Variants in INTS4 observed in about 807,000 individuals in gnomAD.
INTS4 encodes the protein integrator complex subunit 4, also known as MSTP093.
Under a neutral mutation model 119.5 loss-of-function variants are expected in INTS4, and 70 were observed. The ratio of observed to expected loss-of-function variants is 0.59; its 90% confidence interval spans 0.48 to 0.71. INTS4 has a LOEUF of 0.71. Among genes scored for constraint, INTS4 ranks in the 30% least tolerant of loss-of-function variants. The pLI, the probability that INTS4 is intolerant of heterozygous loss-of-function variation, is 0.00. For synonymous variants in INTS4, 316 were observed against 419.6 expected, an observed-to-expected ratio of 0.75 and a Z score of 3.02; for missense variants, 867 against 1,173.2, an observed-to-expected ratio of 0.74 and a Z score of 3.81.
downstream of INTS4, chr11:77,877,024 GCACAT>G (rs1951615463): frequency 1.4e-6 from 1 of 703,088 alleles, no homozygotes; most frequent in Admixed American, 2.0e-5. Flanking sequence ...CAGCTTCATG[GCACAT>G]CCTTGAGAGA....
At chr11:77,900,293 G>T (rs1318720387) in intron 18 of INTS4, among the ~76,000 whole-genome samples, 3 of 152,016 alleles carry the variant, frequency 2.0e-5, no homozygotes, top group African/African-American at 7.2e-5. Flanking sequence ...TAGAGACAGG[G>T]TTTCACCATG....
At chr11:77,932,410 C>A (rs1953673498) in intron 10 of INTS4, among the ~76,000 whole-genome samples, 2 of 152,118 alleles carry the variant, frequency 1.3e-5, no homozygotes, top group South Asian at 4.1e-4. Context: ...CAATGAGATA[C>A]CATCTCACAC....
intron 18 of INTS4, among the ~76,000 whole-genome samples, chr11:77,895,504 A>G (rs1282277805): frequency 9.6e-5 from 14 of 145,448 alleles, no homozygotes; most frequent in Non-Finnish European, 1.8e-4. Context: ...TCTGGAAGCA[A>G]CATTCATTCT....
At chr11:77,959,718 T>C (rs540014139) in intron 6 of INTS4, among the ~76,000 whole-genome samples, 1 of 152,292 alleles carries the variant, frequency 6.6e-6, no homozygotes, top group South Asian at 2.1e-4. Context: ...GGGGCTTGGC[T>C]AATTATCTTC....
chr11:77,875,973 A>G (rs1951582949), downstream of INTS4, among the ~76,000 whole-genome samples: 2 of 152,216 alleles, frequency 1.3e-5, no homozygotes, highest in Admixed American at 6.5e-5. Flanking sequence ...ACAGGAGTTC[A>G]GACTTTTTCC....
chr11:77,963,368 A>AC (rs59879828), intron 4 of INTS4: 63,266 of 369,096 alleles, frequency 0.17, 4,210 homozygotes, highest in African/African-American at 0.22. Context: ...AAAAAAAAAA[A>AC]AAAAAACAAA....
At chr11:77,949,519 CAA>C (rs1177164712) in intron 8 of INTS4, among the ~76,000 whole-genome samples, 3 of 76,404 alleles carry the variant, frequency 3.9e-5, no homozygotes, top group African/African-American at 9.2e-5. Context: ...AACAAATTTA[CAA>C]AAAAAAAAAA....
chr11:77,960,532 G>C (rs1954442613), intron 5 of INTS4, 141 bp from the exon 6 acceptor site: 1 of 560,650 alleles, frequency 1.8e-6, no homozygotes, highest in Admixed American at 3.1e-5. Context: ...ATATAAATAA[G>C]AAACCTTGTC....
At chr11:77,897,673 T>TA (rs1952588373) in intron 18 of INTS4, among the ~76,000 whole-genome samples, 2 of 150,950 alleles carry the variant, frequency 1.3e-5, no homozygotes, top group Non-Finnish European at 3.0e-5. Context: ...GCTAATTTTT[T>TA]TTTTTTTATT....
intron 8 of INTS4, among the ~76,000 whole-genome samples, chr11:77,948,231 C>T (rs1197586184): frequency 6.6e-6 from 1 of 152,054 alleles, no homozygotes; most frequent in Non-Finnish European, 1.5e-5. Context: ...AAAGCGTGGC[C>T]CCACAGAAAA....
chr11:77,974,385 G>A (rs1284996428), intron 4 of INTS4, among the ~76,000 whole-genome samples: 1 of 151,394 alleles, frequency 6.6e-6, no homozygotes, highest in Non-Finnish European at 1.5e-5. Flanking sequence ...TGGGATTACA[G>A]GCACGCACCA....
intron 12 of INTS4, chr11:77,924,477 C>T (rs1953446275): frequency 9.2e-6 from 3 of 326,832 alleles, no homozygotes; most frequent in African/African-American, 6.4e-5. Flanking sequence ...ATACTTGTAA[C>T]AGCTACCACA....
At chr11:77,943,402 G>A (rs1953975437) in intron 8 of INTS4, among the ~76,000 whole-genome samples, 1 of 152,146 alleles carries the variant, frequency 6.6e-6, no homozygotes, top group South Asian at 2.1e-4. Context: ...GAGAAGGGAT[G>A]GATTTAGGGG....
chr11:77,960,141 G>T (rs892211652), intron 6 of INTS4, among the ~76,000 whole-genome samples, 200 bp downstream of exon 6: 1 of 151,926 alleles, frequency 6.6e-6, no homozygotes, highest in South Asian at 2.1e-4. Context: ...CTTTTCACAT[G>T]TACTAGCGCT....
chr11:77,991,091 C>A lies in INTS4; in HGVS notation c.246+17G>T. On this transcript the variant is annotated intron_variant, in intron 2 of 22. Transcript: ENST00000534064. Reference sequence around the variant, plus strand: ...CTCCCATGATATACTCCCATCAGATCCTCAAGATTTTCTTACCTTGTAATA... The same window carrying A: ...CTCCCATGATATACTCCCATCAGATACTCAAGATTTTCTTACCTTGTAATA... 2 of 1,607,090 alleles carry A rather than the reference C, an allele frequency of 1.2e-6. No individual in the cohort carries two copies. Among genetic ancestry groups the A allele is most frequent in the South Asian group, 1.1e-5 (1 of 90,908 alleles).
At chr11:77,957,367 G>A (rs1449534850) in intron 7 of INTS4, among the ~76,000 whole-genome samples, 1 of 151,866 alleles carries the variant, frequency 6.6e-6, no homozygotes, top group African/African-American at 2.4e-5. Context: ...TACCCAACAT[G>A]GCAAAACCTC....
intron 2 of INTS4, chr11:77,987,432 A>T (rs1856498064): frequency 4.0e-6 from 1 of 246,968 alleles, no homozygotes. Context: ...CAAGCAATAT[A>T]ATGTTAACTG....
intron 11 of INTS4, among the ~76,000 whole-genome samples, chr11:77,926,048 C>T (rs1953490023): frequency 6.6e-6 from 1 of 152,230 alleles, no homozygotes; most frequent in Non-Finnish European, 1.5e-5. Flanking sequence ...TGTTTGTTTA[C>T]TCCACCTCTC....
chr11:77,922,850 T>G lies in INTS4; in HGVS notation c.1515-379A>C, dbSNP rs1230128515. Reference sequence around the variant, plus strand: ...TGGCAATCCCATTCCCATTTTCCAGTGACTGGTTTGCTGGTGGGCAAGTAA... The same window carrying G: ...TGGCAATCCCATTCCCATTTTCCAGGGACTGGTTTGCTGGTGGGCAAGTAA... On this transcript the variant is annotated intron_variant, in intron 12 of 22. Coordinates refer to ENST00000534064, the MANE Select transcript of INTS4 (RefSeq NM_033547.4). The G allele has an allele frequency of 3.7e-5, 11 of 301,158 alleles. No individual in the cohort carries two copies. The Admixed American group carries it at 5.5e-4, about 15-fold the overall frequency. The allele number at this position is 301,158 out of a possible 1,614,324, so 18.7% of individuals were successfully genotyped here. A position where few individuals can be genotyped will look rare whatever the true frequency, so the allele number is the denominator to read the frequency against.
Sources: gnomAD v4.1 joint callset for allele counts (sites outside exome capture counted in the v4.1 genomes callset) on GRCh38, gnomAD v4.1.1 for gene constraint, MANE v1.5 for transcripts, NCBI Gene and HGNC (gene_info 2026-07-23, HGNC 2026-07-21) for gene names.